The following RP1L1 variants were observed in gnomAD, a reference collection of about 807,000 sequenced individuals.
The protein encoded by RP1L1 is RP1 like 1.
A neutral mutation model predicts 15.7 loss-of-function variants in RP1L1; 27 were observed. The observed-to-expected ratio is 1.72, with a 90% CI of 1.27 to 2.38. The LOEUF (loss-of-function observed/expected upper bound fraction) is 2.38, where lower values mean the gene tolerates loss of function less well. Ranked by LOEUF, RP1L1 falls within the 30% of genes most tolerant of loss-of-function variation. RP1L1 has a pLI of 0.00. For missense variants in RP1L1, 4,798 were observed against 3,075.9 expected, an observed-to-expected ratio of 1.56 and a Z score of -13.24; for synonymous variants, 1,813 against 1,276.7, an observed-to-expected ratio of 1.42 and a Z score of -8.96.
At chr8:10,616,697 C>T (rs975247671) in intron 2 of RP1L1, 110 bp from the exon 3 acceptor site, 12 of 1,238,978 alleles carry the variant, frequency 9.7e-6, no homozygotes, top group Admixed American at 2.6e-5. Context: ...GATTTCTGCA[C>T]ATCTCACCCC....
intron 1 of RP1L1, among the ~76,000 whole-genome samples, chr8:10,645,689 G>C (rs531156205): frequency 6.6e-6 from 1 of 152,168 alleles, no homozygotes; most frequent in Non-Finnish European, 1.5e-5. Context: ...GAGGCTGCGA[G>C]CATTGGGCTT....
intron 1 of RP1L1, among the ~76,000 whole-genome samples, chr8:10,636,088 G>T (rs558520930): frequency 5.4e-4 from 83 of 152,342 alleles, no homozygotes; most frequent in Non-Finnish European, 1.1e-3. Context: ...TGGTGTGGAT[G>T]AGTTGCTTCA....
At chr8:10,629,167 C>A (rs1349081346) in intron 1 of RP1L1, among the ~76,000 whole-genome samples, 1 of 152,244 alleles carries the variant, frequency 6.6e-6, no homozygotes, top group Non-Finnish European at 1.5e-5. Context: ...AGCTCTCTTG[C>A]CCAATCATGG....
At chr8:10,632,600 G>A (rs560458219) in intron 1 of RP1L1, among the ~76,000 whole-genome samples, 5 of 152,228 alleles carry the variant, frequency 3.3e-5, no homozygotes, top group South Asian at 2.1e-4. Context: ...GTGTTTACAC[G>A]CCTTATTTCT....
chr8:10,651,902 T>C (rs1382494794), intron 1 of RP1L1, among the ~76,000 whole-genome samples: 2 of 152,134 alleles, frequency 1.3e-5, no homozygotes, highest in African/African-American at 4.8e-5. Context: ...CATGAGATGA[T>C]CATGGCGCTG....
chr8:10,608,672 C>G lies in RP1L1; in HGVS notation c.5426G>C (p.Gly1809Ala), dbSNP rs376177581. 92 of 1,614,080 alleles carry G rather than the reference C, an allele frequency of 5.7e-5. No homozygotes were observed. The highest frequency in any genetic ancestry group is 7.5e-5 in the Non-Finnish European group (89 of 1,180,048). Residue 1809 changes from glycine (G) to alanine (A), a missense_variant, in exon 4 of 4, where the codon GGG becomes GCG. Gly to Ala is a moderately conservative substitution (Grantham distance 60). Coordinates refer to ENST00000382483, the MANE Select transcript of RP1L1 (RefSeq NM_178857.6). ...ERGETGGQGS[G>A]HEDNLQGEAA... The stretch of plus-strand genomic sequence containing the variant: ...TTCACCCTGCAAGTTGTCCTCATGC[C>G]CAGAGCCTTGACCCCCAGTTTCTCC...
intron 2 of RP1L1, among the ~76,000 whole-genome samples, chr8:10,622,079 T>G (rs893432455): frequency 2.6e-5 from 4 of 151,966 alleles, no homozygotes; most frequent in Non-Finnish European, 1.5e-5. Flanking sequence ...CCCAGCACTT[T>G]GGGAGGCCGA....
At chr8:10,647,725 G>A (rs1275572951) in intron 1 of RP1L1, among the ~76,000 whole-genome samples, 1 of 152,138 alleles carries the variant, frequency 6.6e-6, no homozygotes, top group African/African-American at 2.4e-5. Flanking sequence ...CAGTGTTTGT[G>A]TTTATCCATT....
rs578233582 is a variant in RP1L1, at chr8:10,616,511, G to C, written c.686C>G (p.Ala229Gly). The change falls in exon 3 of 4, where the codon GCC (alanine) becomes GGC (glycine). Residue 229 changes from alanine to glycine, a missense_variant. Physicochemically the swap from Ala to Gly is moderately conservative, Grantham distance 60 (BLOSUM62 0). Coordinates refer to ENST00000382483, the MANE Select transcript of RP1L1 (RefSeq NM_178857.6). ...CAGHEAFRTP[A>G]MKNARRSEAE... Reference sequence around the variant, plus strand: ...CTCGCTTCTCCTGGCATTTTTCATGGCTGGGGTTCTGAAGGCCTCATGCCC... The same window carrying C: ...CTCGCTTCTCCTGGCATTTTTCATGCCTGGGGTTCTGAAGGCCTCATGCCC... The C allele has an allele frequency of 1.2e-6, 2 of 1,614,190 alleles. No homozygotes were observed. The highest frequency in any genetic ancestry group is 4.5e-5 in the East Asian group (2 of 44,874).
At chr8:10,651,514 T>G (rs4282525) in intron 1 of RP1L1, among the ~76,000 whole-genome samples, 152,169 of 152,270 alleles carry the variant, frequency 1, 76,037 homozygotes, top group Middle Eastern at 1. Flanking sequence ...AGATCACGGG[T>G]TCAAGAGATT....
rs958904320 is a variant in RP1L1 at position 10,609,917 on chromosome 8, A to G, written c.4181T>C (p.Leu1394Pro). Residue 1394 changes from leucine (L) to proline (P), a missense_variant, in exon 4 of 4, where the codon CTC (leucine) becomes CCC (proline). Leu to Pro is a moderately conservative substitution (Grantham distance 98). Coordinates refer to ENST00000382483, the MANE Select transcript of RP1L1 (RefSeq NM_178857.6). ...GLQGEALEEG[L>P]KEEGLPEEGS... is the part of the protein sequence containing the mutation. ...TTCTTCTGGAAGTCCTTCCTCTTTGAGACCCTCTTCAAGAGCCTCTCCTTG... is the reference window on the plus strand; with the variant it reads ...TTCTTCTGGAAGTCCTTCCTCTTTGGGACCCTCTTCAAGAGCCTCTCCTTG... 4 of 1,589,818 alleles carry G rather than the reference A, an allele frequency of 2.5e-6. No individual in the cohort carries two copies. The African/African-American group carries it at 5.5e-5, about 22-fold the overall frequency.
chr8:10,628,638 A>C (rs755294964), intron 1 of RP1L1, among the ~76,000 whole-genome samples: 7 of 152,206 alleles, frequency 4.6e-5, no homozygotes, highest in Non-Finnish European at 8.8e-5. Context: ...AAAGAAGAAA[A>C]GAAATCACGT....
chr8:10,619,981 A>G (rs1006826223), intron 2 of RP1L1, among the ~76,000 whole-genome samples: 2 of 137,880 alleles, frequency 1.5e-5, no homozygotes, highest in Admixed American at 7.2e-5. Context: ...AAAAAAAAAA[A>G]GATGTTGAGA....
rs951699476 is a variant in RP1L1, at chr8:10,606,841, T to C, written c.*54A>G. 1.9e-5 allele frequency: 30 copies of C among 1,611,088 alleles called. No homozygotes were observed. The highest frequency in any genetic ancestry group is 1.9e-5 in the Non-Finnish European group (22 of 1,179,944). On this transcript the variant is annotated 3_prime_UTR_variant, in exon 4 of 4. Transcript: ENST00000382483. Reference sequence around the variant, plus strand: ...ACGTTGCTCAGTTTTGTAGAAAAAATATGAATAAAAACAGAGCTCCCAAGC... The same window carrying C: ...ACGTTGCTCAGTTTTGTAGAAAAAACATGAATAAAAACAGAGCTCCCAAGC...
intron 1 of RP1L1, among the ~76,000 whole-genome samples, chr8:10,628,714 G>T (rs531297668): frequency 6.6e-6 from 1 of 152,190 alleles, no homozygotes; most frequent in African/African-American, 2.4e-5. Flanking sequence ...GATAGTTCCC[G>T]TTCTGTCTGG....
chr8:10,609,213 G>C lies in RP1L1; in HGVS notation c.4885C>G (p.Leu1629Val), dbSNP rs747523745. 3.1e-6 allele frequency: 5 copies of C among 1,610,274 alleles called. No homozygotes were observed. The highest frequency in any genetic ancestry group is 1.6e-4 in the Middle Eastern group (1 of 6,062). ...FSERTLGLGP[L>V]SFTLEDEPAL... ...GGCTCGTCCTCCAGGGTGAAGGAGA[G>C]GGGCCCCAGGCCCAGGGTCCGCTCA... Residue 1629 changes from leucine (L) to valine (V), a missense_variant, in exon 4 of 4, where the codon CTC becomes GTC. Leu to Val is a conservative substitution (Grantham distance 32). Coordinates refer to ENST00000382483, the MANE Select transcript of RP1L1 (RefSeq NM_178857.6).
At position 10,610,138 on chromosome 8, in the gene RP1L1, C is replaced by T; in HGVS notation, c.3960G>A (p.Val1320=). The change falls in exon 4 of 4, where the codon GTG becomes GTA. Residue 1320 remains valine, a synonymous_variant. Transcript: ENST00000382483. ...TEGEGLQEEA[V]QLEETKTEEG... is the part of the protein sequence containing the mutation. ...CTTCTGTTTTAGTTTCCTCTAACTG[C>T]ACCGCCTCTTCTTGCAGCCCTTCTC... 3 of 1,493,840 alleles carry T rather than the reference C, an allele frequency of 2.0e-6. 1 individual carries two copies. Among genetic ancestry groups the T allele is most frequent in the South Asian group, 1.2e-5 (1 of 82,832 alleles). The allele number at this position is 1,493,840 out of a possible 1,614,324, so 92.5% of individuals were successfully genotyped here.
rs372339970 is a variant in RP1L1 at position 10,612,938 on chromosome 8, C to G, written c.1160G>C (p.Cys387Ser). ...SEPGVWGPRP[C>S]RVGCREVFGR... is the part of the protein sequence containing the mutation. ...AAAGACTTCCCTGCATCCCACCCTG[C>G]AGGGCCGGGGTCCCCACACCCCAGG... Residue 387 changes from cysteine to serine, a missense_variant, in exon 4 of 4, where the codon TGC (cysteine) becomes TCC (serine). Physicochemically the swap from Cys to Ser is moderately radical, Grantham distance 112 (BLOSUM62 -1). Coordinates refer to ENST00000382483, the MANE Select transcript of RP1L1 (RefSeq NM_178857.6). 114 of 1,612,174 alleles carry G rather than the reference C, an allele frequency of 7.1e-5. No homozygotes were observed. Among genetic ancestry groups the G allele is most frequent in the Non-Finnish European group, 9.2e-5 (109 of 1,179,732 alleles).
Position 10,613,364 on chromosome 8 carries a change from G to T in RP1L1, c.752-18C>A. 6.3e-7 allele frequency: 1 copy of T among 1,599,170 alleles called. No individual in the cohort carries two copies. Among genetic ancestry groups the T allele is most frequent in the Non-Finnish European group, 8.5e-7 (1 of 1,179,882 alleles). ...CCAGCTCCCTGGCACGCAGTGAAGA[G>T]GAAAAGAAAAGAAGAAAAGACTGTG... On this transcript the variant is annotated intron_variant, in intron 3 of 3. Coordinates refer to ENST00000382483, the MANE Select transcript of RP1L1 (RefSeq NM_178857.6).
Sources: allele counts gnomAD v4.1 joint callset (sites outside exome capture counted in the v4.1 genomes callset), GRCh38; gene constraint gnomAD v4.1.1; transcripts MANE v1.5; gene names NCBI Gene and HGNC (gene_info 2026-07-23, HGNC 2026-07-21).